The following PDGFA variants were observed in gnomAD, a reference collection of about 807,000 sequenced individuals.
PDGFA encodes platelet derived growth factor subunit A.
In PDGFA, 9 loss-of-function variants were observed where a neutral mutation model predicts 25.6. The ratio of observed to expected loss-of-function variants is 0.35; its 90% CI spans 0.21 to 0.61. The LOEUF (loss-of-function observed/expected upper bound fraction) is 0.61. PDGFA is among the 20% of genes least tolerant of loss of function. The pLI is 0.75. For missense variants in PDGFA, 242 were observed against 272.8 expected (o/e 0.89, Z 0.79); for synonymous variants, 133 against 111.8 (o/e 1.19, Z -1.20).
At chr7:498,235 C>T (rs576356693) in exon 6 of PDGFA, 17 of 367,448 alleles carry the variant, frequency 4.6e-5, no homozygotes, top group East Asian at 2.2e-4. Context: ...TTCCATCCCA[C>T]GGGGCGACCC....
At chr7:520,481 G>C (rs896089822), upstream of PDGFA, 3 of 152,864 alleles carry the variant, frequency 2.0e-5, no homozygotes, top group African/African-American at 4.8e-5. Context: ...CCACTTGGGA[G>C]CGAGCTCCAG....
chr7:502,812 A>G (rs1782407269), intron 4 of PDGFA, among the ~76,000 whole-genome samples: 1 of 91,140 alleles, frequency 1.1e-5, no homozygotes, highest in African/African-American at 3.6e-5. Context: ...ACACACACAT[A>G]ATGCACATAT....
intron 1 of PDGFA, among the ~76,000 whole-genome samples, chr7:518,079 C>T (rs932933649): frequency 6.6e-5 from 10 of 152,156 alleles, no homozygotes; most frequent in Non-Finnish European, 1.2e-4. Flanking sequence ...GGCCCAGCCG[C>T]GGCCCTAGCG....
intron 5 of PDGFA, among the ~76,000 whole-genome samples, chr7:499,745 C>T (rs1451264012): frequency 2.9e-5 from 4 of 140,106 alleles, no homozygotes; most frequent in Admixed American, 7.1e-5. Flanking sequence ...CTCACTCCTT[C>T]TTCCAGCCTG....
At chr7:505,526 C>G (rs1782523185) in intron 4 of PDGFA, among the ~76,000 whole-genome samples, 1 of 152,198 alleles carries the variant, frequency 6.6e-6, no homozygotes, top group African/African-American at 2.4e-5. Context: ...TGCGGGGGAC[C>G]CCACCCCAAC....
intron 2 of PDGFA, among the ~76,000 whole-genome samples, chr7:513,715 T>A (rs4072008): frequency 1.3e-5 from 2 of 151,996 alleles, no homozygotes; most frequent in East Asian, 3.9e-4. Flanking sequence ...CCCCAGCCCA[T>A]CGAGGCATCC....
At position 512,291 on chromosome 7, in the gene PDGFA, G is replaced by A. The variant is rs145726150; in HGVS notation, c.265+60C>T. ...CACCCGGCCCTGCCCTGCCCATCGC[G>A]GCCTCCTGGACTCACCCTGACCCGG... On this transcript the variant is annotated intron_variant, in intron 3 of 5. Coordinates refer to ENST00000402802, the Ensembl canonical transcript of PDGFA. 1.0e-2 allele frequency: 14,629 copies of A among 1,468,938 alleles called. 251 individuals carry two copies. The highest frequency in any genetic ancestry group is 0.032 in the Admixed American group (1,714 of 54,304). The allele number at this position is 1,468,938 out of a possible 1,614,324, so 91.0% of individuals were successfully genotyped here. A position where few individuals can be genotyped will look rare whatever the true frequency, so the allele number is the denominator to read the frequency against.
intron 3 of PDGFA, among the ~76,000 whole-genome samples, chr7:512,016 C>T (rs1439201671): frequency 6.6e-6 from 1 of 152,220 alleles, no homozygotes; most frequent in East Asian, 1.9e-4. Context: ...TCCGGCAAGG[C>T]TCCTGGGGAC....
intron 4 of PDGFA, among the ~76,000 whole-genome samples, chr7:505,041 GT>G (rs1446171792): frequency 6.6e-6 from 1 of 152,242 alleles, no homozygotes; most frequent in East Asian, 1.9e-4. Flanking sequence ...GATTGCACCT[GT>G]TTCTGAGTAT....
intron 4 of PDGFA, among the ~76,000 whole-genome samples, chr7:502,725 C>T (rs1782400153): frequency 6.7e-6 from 1 of 150,172 alleles, no homozygotes; most frequent in South Asian, 2.1e-4. Context: ...CCAGTCCAGG[C>T]CAGAGAGGGG....
At chr7:512,835 A>G (rs532663743) in intron 2 of PDGFA, 49 of 364,166 alleles carry the variant, frequency 1.3e-4, no homozygotes, top group Non-Finnish European at 2.4e-4. Context: ...GAGGCCGCCC[A>G]GCTCCGTGCA....
At chr7:498,637 C>T in intron 5 of PDGFA, 63 bp from the exon 6 acceptor site, 1 of 1,506,320 alleles carries the variant, frequency 6.6e-7, no homozygotes, top group East Asian at 2.3e-5. Context: ...CCAGCACACA[C>T]ATGGCTGCAT....
At chr7:513,363 G>T (rs2128403089) in intron 2 of PDGFA, 1 of 152,442 alleles carries the variant, frequency 6.6e-6, no homozygotes, top group Middle Eastern at 3.4e-3. Context: ...GGCTGGGGGA[G>T]TCTCAGGTCT....
chr7:505,771 G>C (rs576176587), intron 4 of PDGFA, among the ~76,000 whole-genome samples: 1 of 152,142 alleles, frequency 6.6e-6, no homozygotes. Context: ...CCTCTTTCAC[G>C]GAAAGAAAGC....
Position 500,344 on chromosome 7 carries a change from G to A in PDGFA, c.580+772C>T, listed in dbSNP as rs1041209575. 16 of 1,460,074 alleles carry A rather than the reference G, an allele frequency of 1.1e-5. 1 individual carries two copies. The Admixed American group carries it at 1.2e-4, about 11-fold the overall frequency. 90.4% of individuals were successfully genotyped at this position (1,460,074 alleles called of 1,614,324 possible). On this transcript the variant is annotated intron_variant, in intron 5 of 5. Coordinates refer to ENST00000402802, the Ensembl canonical transcript of PDGFA. This position sits in a 1 kb window ranked among gnomAD's most constrained non-coding sequence, Gnocchi z 5.0. ...GGGCCACATCCCCGCCGCACCCGGCGAGACAGGAAGCGTGATTTGCTGGTG... is the reference window on the plus strand; with the variant it reads ...GGGCCACATCCCCGCCGCACCCGGCAAGACAGGAAGCGTGATTTGCTGGTG...
chr7:510,722 G>GGGAGGGGAGA, intron 4 of PDGFA, 87 bp downstream of exon 4: 1 of 401,604 alleles, frequency 2.5e-6, no homozygotes, highest in South Asian at 2.2e-5. Flanking sequence ...GGGAGGGGAG[G>GGGAGGGGAGA]GGAGAGGAGG....
chr7:511,248 G>A (rs1464427071), intron 3 of PDGFA, among the ~76,000 whole-genome samples: 13 of 148,772 alleles, frequency 8.7e-5, no homozygotes, highest in East Asian at 2.0e-4. Flanking sequence ...CCAGTGGCTC[G>A]GAGGGGAGGG....
chr7:509,639 G>A (rs1782710876), intron 4 of PDGFA, among the ~76,000 whole-genome samples: 2 of 152,098 alleles, frequency 1.3e-5, no homozygotes, highest in African/African-American at 2.4e-5. Context: ...AGTGCCCTTC[G>A]AAAGCAGCCT....
At chr7:502,263 G>C (rs984192963) in intron 4 of PDGFA, among the ~76,000 whole-genome samples, 43 of 147,318 alleles carry the variant, frequency 2.9e-4, no homozygotes, top group East Asian at 1.9e-4. Context: ...GCCTAGGAAT[G>C]GGGGGTTCGT....
Sources: gnomAD v4.1 joint callset for allele counts (sites outside exome capture counted in the v4.1 genomes callset) on GRCh38, gnomAD v4.1.1 for gene constraint, Gnocchi (gnomAD v3.1) non-coding constraint, MANE v1.5 for transcripts, NCBI Gene and HGNC (gene_info 2026-07-23, HGNC 2026-07-21) for gene names.